The following SLC2A13 variants were observed in gnomAD, a reference collection of about 807,000 sequenced individuals.
The protein encoded by SLC2A13 is solute carrier family 2 member 13.
SLC2A13 carries 32 observed loss-of-function variants against 64.4 expected under a neutral mutation model. The ratio of observed to expected loss-of-function variants is 0.50; its 90% CI spans 0.37 to 0.67. SLC2A13 has a LOEUF of 0.67. Ranked by LOEUF, SLC2A13 falls within the 30% of genes least tolerant of loss-of-function variation. SLC2A13 has a pLI of 0.00. For synonymous variants in SLC2A13, 338 were observed against 327.1 expected, an observed-to-expected ratio of 1.03 and a Z score of -0.36; for missense variants, 743 against 829.2, an observed-to-expected ratio of 0.90 and a Z score of 1.28.
chr12:39,851,456 C>A (rs1172320038), intron 6 of SLC2A13, among the ~76,000 whole-genome samples: 1 of 152,096 alleles, frequency 6.6e-6, no homozygotes, highest in Non-Finnish European at 1.5e-5. Context: ...TAAAAATGAG[C>A]AGTGCACTTT....
At chr12:40,018,803 C>T (rs1241931912) in intron 3 of SLC2A13, among the ~76,000 whole-genome samples, 4 of 152,160 alleles carry the variant, frequency 2.6e-5, no homozygotes, top group African/African-American at 9.7e-5. Context: ...CTCCAGGCTC[C>T]ACCTTACCTC....
At chr12:39,909,396 G>C (rs1369172275) in intron 4 of SLC2A13, among the ~76,000 whole-genome samples, 1 of 151,834 alleles carries the variant, frequency 6.6e-6, no homozygotes, top group Non-Finnish European at 1.5e-5. Flanking sequence ...TGTCAATAAG[G>C]TGGAAAAAAA....
chr12:39,828,520 C>T (rs1942754370), intron 7 of SLC2A13, among the ~76,000 whole-genome samples: 1 of 152,056 alleles, frequency 6.6e-6, no homozygotes, highest in Non-Finnish European at 1.5e-5. Flanking sequence ...GCCAAAACTC[C>T]TGCTTTGAGG....
chr12:39,923,442 T>C (rs963695355), intron 4 of SLC2A13, among the ~76,000 whole-genome samples: 10 of 152,070 alleles, frequency 6.6e-5, no homozygotes, highest in Non-Finnish European at 1.5e-4. Flanking sequence ...ATAAAGTATC[T>C]AGAATAGGCA....
intron 3 of SLC2A13, among the ~76,000 whole-genome samples, chr12:39,973,951 A>C (rs1406132023): frequency 2.6e-5 from 4 of 152,188 alleles, no homozygotes; most frequent in Non-Finnish European, 4.4e-5. Context: ...TTTCCATACC[A>C]TTCTGTCTGA....
At chr12:39,979,985 C>G (rs1000164339) in intron 3 of SLC2A13, among the ~76,000 whole-genome samples, 1 of 150,396 alleles carries the variant, frequency 6.6e-6, no homozygotes, top group African/African-American at 2.5e-5. Flanking sequence ...TCGGCAGAAA[C>G]CCTACAAGCC....
chr12:40,078,306 T>C (rs1197257545), intron 1 of SLC2A13, among the ~76,000 whole-genome samples: 1 of 152,202 alleles, frequency 6.6e-6, no homozygotes, highest in African/African-American at 2.4e-5. Context: ...TGGCTCTTAT[T>C]ATTTTGAGGT....
chr12:39,860,202 C>A (rs1020134030), intron 6 of SLC2A13, among the ~76,000 whole-genome samples: 5 of 152,060 alleles, frequency 3.3e-5, no homozygotes, highest in South Asian at 2.1e-4. Context: ...CTTATTTGGA[C>A]CTCAGTAAGG....
intron 2 of SLC2A13, among the ~76,000 whole-genome samples, chr12:40,029,904 A>G (rs922347552): frequency 1.3e-5 from 2 of 152,188 alleles, no homozygotes; most frequent in African/African-American, 4.8e-5. Flanking sequence ...TCACCCACAG[A>G]GCACACAGTT....
intron 4 of SLC2A13, among the ~76,000 whole-genome samples, chr12:39,942,260 G>C (rs895117104): frequency 2.0e-5 from 3 of 152,140 alleles, no homozygotes; most frequent in African/African-American, 7.2e-5. Flanking sequence ...GATGGTGGTA[G>C]TCTGATGGGG....
At chr12:39,800,059 T>C (rs1373929799) in intron 7 of SLC2A13, among the ~76,000 whole-genome samples, 2 of 152,236 alleles carry the variant, frequency 1.3e-5, no homozygotes, top group Non-Finnish European at 2.9e-5. Context: ...ATATATGTAA[T>C]GTTTATTGTG....
chr12:40,006,381 A>G (rs1023597478), intron 3 of SLC2A13, among the ~76,000 whole-genome samples: 2 of 152,162 alleles, frequency 1.3e-5, no homozygotes, highest in African/African-American at 4.8e-5. Context: ...CTTAGCCTCC[A>G]CTTCTCCTCC....
chr12:39,859,301 G>A (rs372131888), intron 6 of SLC2A13, among the ~76,000 whole-genome samples: 4 of 44,978 alleles, frequency 8.9e-5, no homozygotes, highest in Non-Finnish European at 1.4e-4. Flanking sequence ...AAAAGAAAAA[G>A]AAAGAAAGCT....
intron 4 of SLC2A13, among the ~76,000 whole-genome samples, chr12:39,904,514 C>T (rs1945215788): frequency 1.3e-5 from 2 of 152,196 alleles, no homozygotes; most frequent in African/African-American, 2.4e-5. Context: ...TACTTCAAGA[C>T]CTTAACTTAG....
In SLC2A13 at chr12:40,069,024, C is replaced by T. The variant is rs546626149; in HGVS notation, c.557-20814G>A. Among the ~76,000 whole-genome samples the T allele has an allele frequency of 4.6e-5, 7 of 152,164 alleles. No individual in the cohort carries two copies. The South Asian group carries it at 1.5e-3, about 32-fold the overall frequency. On this transcript the variant is annotated intron_variant, in intron 1 of 9. Transcript: ENST00000280871. ...TAGACATAAAATGGGCAGAGGAAGA[C>T]AGTCTTGCATACATTTATGCATCTC...
At chr12:39,991,259 A>C (rs1278142811) in intron 3 of SLC2A13, among the ~76,000 whole-genome samples, 1 of 152,118 alleles carries the variant, frequency 6.6e-6, no homozygotes, top group Non-Finnish European at 1.5e-5. Context: ...TTAAAACTTC[A>C]ATCTTATATC....
chr12:39,880,344 T>G lies in SLC2A13; in HGVS notation c.1035-8383A>C, dbSNP rs149364628. Among the ~76,000 whole-genome samples the G allele has an allele frequency of 4.6e-5, 7 of 152,356 alleles. No individual in the cohort carries two copies. The East Asian group carries it at 1.3e-3, about 29-fold the overall frequency. ...CTCAAGATACAAACATCTTAAGAAC[T>G]ATTTTTAAAAAATTAATGAAATTTT... is the stretch of plus-strand genomic sequence containing the variant. On this transcript the variant is annotated intron_variant, in intron 4 of 9. Transcript: ENST00000280871.
chr12:40,060,810 C>A (rs1948406740), intron 1 of SLC2A13, among the ~76,000 whole-genome samples: 1 of 151,904 alleles, frequency 6.6e-6, no homozygotes, highest in Non-Finnish European at 1.5e-5. Flanking sequence ...AATAAAGATG[C>A]AGGAAGAAAT....
At chr12:39,972,865 C>G (rs771322838) in intron 3 of SLC2A13, among the ~76,000 whole-genome samples, 1 of 151,988 alleles carries the variant, frequency 6.6e-6, no homozygotes, top group African/African-American at 2.4e-5. Flanking sequence ...GTCGGGAGTT[C>G]GAGACCAGCC....
Sources: gnomAD v4.1 joint callset for allele counts (sites outside exome capture counted in the v4.1 genomes callset) on GRCh38, gnomAD v4.1.1 for gene constraint, MANE v1.5 for transcripts, NCBI Gene and HGNC (gene_info 2026-07-23, HGNC 2026-07-21) for gene names.